TNFRSF21: variants seen among roughly 807,000 people sequenced by gnomAD.
TNFRSF21 encodes the protein TNF receptor superfamily member 21.
Under a neutral mutation model 45.6 loss-of-function variants are expected in TNFRSF21, and 19 were observed. That is an observed-to-expected ratio of 0.42 (90% CI 0.29 to 0.61). The LOEUF (loss-of-function observed/expected upper bound fraction) is 0.61. Among genes scored for constraint, TNFRSF21 ranks in the 20% least tolerant of loss-of-function variants. TNFRSF21 has a pLI of 0.23. For synonymous variants in TNFRSF21, 314 were observed against 335.5 expected, an observed-to-expected ratio of 0.94 and a Z score of 0.70; for missense variants, 737 against 851.5, an observed-to-expected ratio of 0.87 and a Z score of 1.67.
chr6:47,235,051 G>C (rs1764646980), intron 4 of TNFRSF21, among the ~76,000 whole-genome samples, 153 bp from the exon 5 acceptor site: 4 of 151,878 alleles, frequency 2.6e-5, no homozygotes, highest in Admixed American at 2.6e-4. Flanking sequence ...ATGATTGCTA[G>C]ACACATACAC....
In TNFRSF21 at chr6:47,231,870, T is replaced by A. The variant is rs948036732; in HGVS notation, c.*895A>T. 1 of 152,644 alleles carries A rather than the reference T, an allele frequency of 6.6e-6. No homozygotes were observed. Among genetic ancestry groups the A allele is most frequent in the African/African-American group, 2.4e-5 (1 of 41,446 alleles). 9.5% of individuals were successfully genotyped at this position (152,644 alleles called of 1,614,324 possible). A position where few individuals can be genotyped will look rare whatever the true frequency, so the allele number is the denominator to read the frequency against. On this transcript the variant is annotated 3_prime_UTR_variant, in exon 6 of 6. Transcript: ENST00000296861. ...AAAGCAAAGCTGGGCAAATTCTCTATGGAAAGGGCGCCACTGGCACTTGAT... is the reference window on the plus strand; with the variant it reads ...AAAGCAAAGCTGGGCAAATTCTCTAAGGAAAGGGCGCCACTGGCACTTGAT...
chr6:47,306,332 G>A (rs895916473), intron 1 of TNFRSF21, among the ~76,000 whole-genome samples: 1 of 152,164 alleles, frequency 6.6e-6, no homozygotes, highest in Non-Finnish European at 1.5e-5. Context: ...CTTCTCTGTT[G>A]TTACATTTCA....
At chr6:47,256,012 T>A (rs1053520463) in intron 3 of TNFRSF21, among the ~76,000 whole-genome samples, 2 of 152,176 alleles carry the variant, frequency 1.3e-5, no homozygotes, top group African/African-American at 4.8e-5. Context: ...AAAATATTTA[T>A]AAAATGAGCT....
intron 3 of TNFRSF21, among the ~76,000 whole-genome samples, chr6:47,258,857 C>T (rs1561942200): frequency 6.6e-6 from 1 of 152,210 alleles, no homozygotes; most frequent in Non-Finnish European, 1.5e-5. Context: ...GAAAACCATA[C>T]AGTCTCTGTC....
At chr6:47,288,497 A>G (rs1762678286) in intron 1 of TNFRSF21, among the ~76,000 whole-genome samples, 1 of 152,146 alleles carries the variant, frequency 6.6e-6, no homozygotes, top group African/African-American at 2.4e-5. Context: ...GTTGAGCTGT[A>G]CACATAAAAT....
chr6:47,280,989 A>C (rs1039572127), intron 3 of TNFRSF21, among the ~76,000 whole-genome samples: 1 of 152,232 alleles, frequency 6.6e-6, no homozygotes, highest in Admixed American at 6.5e-5. Flanking sequence ...AATCTGCAAC[A>C]GAACAAATAT....
intron 3 of TNFRSF21, among the ~76,000 whole-genome samples, chr6:47,266,267 A>G (rs1762331676): frequency 6.6e-6 from 1 of 152,174 alleles, no homozygotes; most frequent in African/African-American, 2.4e-5. Context: ...CATTTGACCA[A>G]TCCTAAAAGA....
chr6:47,291,708 G>A (rs1410152388), intron 1 of TNFRSF21, among the ~76,000 whole-genome samples: 1 of 152,218 alleles, frequency 6.6e-6, no homozygotes, highest in Non-Finnish European at 1.5e-5. Context: ...TTTGCTAATG[G>A]CTTTCCAAGT....
At chr6:47,253,161 ATATGT>A (rs1764926555) in intron 4 of TNFRSF21, 90 bp downstream of exon 4, 2 of 1,439,938 alleles carry the variant, frequency 1.4e-6, no homozygotes, top group African/African-American at 2.8e-5. Flanking sequence ...TATCCACCGA[ATATGT>A]TATTTTTCTT....
At chr6:47,277,034 C>T (rs1267484313) in intron 3 of TNFRSF21, among the ~76,000 whole-genome samples, 1 of 152,076 alleles carries the variant, frequency 6.6e-6, no homozygotes, top group Non-Finnish European at 1.5e-5. Flanking sequence ...TCTCTTGTTG[C>T]CCAGGCTGAA....
intron 3 of TNFRSF21, among the ~76,000 whole-genome samples, chr6:47,260,236 C>G (rs968548706): frequency 6.6e-6 from 1 of 151,386 alleles, no homozygotes; most frequent in Non-Finnish European, 1.5e-5. Flanking sequence ...GAACCTCACA[C>G]GTACATGTTA....
intron 3 of TNFRSF21, among the ~76,000 whole-genome samples, chr6:47,266,209 T>C (rs1762330908): frequency 6.6e-6 from 1 of 152,202 alleles, no homozygotes; most frequent in African/African-American, 2.4e-5. Flanking sequence ...GTTGAGAGTC[T>C]GGGAGATGGG....
intron 1 of TNFRSF21, among the ~76,000 whole-genome samples, chr6:47,298,551 T>C (rs1762821558): frequency 6.6e-6 from 1 of 152,242 alleles, no homozygotes; most frequent in Admixed American, 6.5e-5. Flanking sequence ...ACATTTTAAA[T>C]AGTTTTTAAA....
chr6:47,264,034 C>A (rs1762290647), intron 3 of TNFRSF21, among the ~76,000 whole-genome samples: 1 of 152,134 alleles, frequency 6.6e-6, no homozygotes. Flanking sequence ...AGCAGAATTC[C>A]AGAAATTCCT....
chr6:47,281,258 A>C (rs1241612711), intron 3 of TNFRSF21, among the ~76,000 whole-genome samples: 1 of 151,746 alleles, frequency 6.6e-6, no homozygotes, highest in Non-Finnish European at 1.5e-5. Flanking sequence ...AATAATTAAG[A>C]AAAATTATTT....
At chr6:47,253,670 G>A in intron 3 of TNFRSF21, 149 bp from the exon 4 acceptor site, 1 of 875,592 alleles carries the variant, frequency 1.1e-6, no homozygotes, top group Non-Finnish European at 1.7e-6. Flanking sequence ...TAAGCACTTG[G>A]CACAAGCAGC....
At chr6:47,284,573 G>A in intron 2 of TNFRSF21, 141 bp from the exon 3 acceptor site, 1 of 1,030,496 alleles carries the variant, frequency 9.7e-7, no homozygotes, top group Non-Finnish European at 1.3e-6. Context: ...AAATTGTGTT[G>A]CACATTTTCA....
At chr6:47,260,496 C>T (rs1765059042) in intron 3 of TNFRSF21, among the ~76,000 whole-genome samples, 2 of 152,164 alleles carry the variant, frequency 1.3e-5, no homozygotes, top group African/African-American at 4.8e-5. Context: ...GGGGACAATC[C>T]TAATTTGAAG....
In TNFRSF21 at chr6:47,309,445, C is replaced by A. The variant is rs200394782; in HGVS notation, c.67G>T (p.Ala23Ser). 7,014 of 1,550,574 alleles carry A rather than the reference C, an allele frequency of 4.5e-3. 30 individuals carry two copies. The highest frequency in any genetic ancestry group is 5.8e-3 in the Non-Finnish European group (6,683 of 1,155,654). ...AGAAGGGAGCCCGCGATCATCGTGGCTGTGGCTCGGCGGGCGATGCGGCTG... is the reference window on the plus strand; with the variant it reads ...AGAAGGGAGCCCGCGATCATCGTGGATGTGGCTCGGCGGGCGATGCGGCTG... ...SCSRIARRAT[A>S]TMIAGSLLLL... is the part of the protein sequence containing the mutation. The change falls in exon 1 of 6, where the codon GCC becomes TCC. Residue 23 changes from alanine to serine, a missense_variant. By Grantham distance (99) the Ala-to-Ser change is moderately conservative. Coordinates refer to ENST00000296861, the MANE Select transcript of TNFRSF21 (RefSeq NM_014452.5).
Sources: allele counts gnomAD v4.1 joint callset (sites outside exome capture counted in the v4.1 genomes callset), GRCh38; gene constraint gnomAD v4.1.1; transcripts MANE v1.5; gene names NCBI Gene and HGNC (gene_info 2026-07-23, HGNC 2026-07-21).